Variants in BBOX1 observed in about 807,000 individuals in gnomAD.
BBOX1 encodes gamma-butyrobetaine hydroxylase 1, also known as gamma-butyrobetaine dioxygenase.
A neutral mutation model predicts 41.6 loss-of-function variants in BBOX1; 35 were observed. That is an observed-to-expected ratio of 0.84 (90% CI 0.64 to 1.11). The LOEUF (loss-of-function observed/expected upper bound fraction) is 1.11, where lower values mean the gene tolerates loss of function less well. Ranked by LOEUF, BBOX1 falls within the 50% of genes most tolerant of loss-of-function variation. The probability of loss-of-function intolerance (pLI) is 0.00; values close to 1 mark genes in which losing one functional copy is unlikely to be tolerated. For missense variants in BBOX1, 458 were observed against 460.6 expected (o/e 0.99, Z 0.05); for synonymous variants, 163 against 154.7 (o/e 1.05, Z -0.40).
At position 27,125,338 on chromosome 11, in the gene BBOX1, T is replaced by C. The variant is rs536234969; in HGVS notation, c.837-316T>C. Among the ~76,000 whole-genome samples the C allele has an allele frequency of 6.9e-4, 105 of 152,288 alleles. 1 individual carries two copies. The highest frequency in any genetic ancestry group is 2.4e-3 in the African/African-American group (99 of 41,574). ...TGTAACATGAAAGGATTTTAATACC[T>C]GTTTCAAATAACAAAGAATGAATGA... On this transcript the variant is annotated intron_variant, in intron 7 of 8. Coordinates refer to ENST00000263182, the MANE Select transcript of BBOX1 (RefSeq NM_003986.3).
intron 4 of BBOX1, among the ~76,000 whole-genome samples, chr11:27,059,777 G>A (rs1857085733): frequency 6.6e-6 from 1 of 152,168 alleles, no homozygotes; most frequent in South Asian, 2.1e-4. Context: ...GCCCTGCTGG[G>A]TTTTGGACTT....
At chr11:27,080,068 T>C (rs1857783777) in intron 4 of BBOX1, among the ~76,000 whole-genome samples, 1 of 152,116 alleles carries the variant, frequency 6.6e-6, no homozygotes, top group Non-Finnish European at 1.5e-5. Flanking sequence ...TCATTTTCCA[T>C]ATGGCAGCAA....
At chr11:27,101,109 C>A (rs1411772367) in intron 5 of BBOX1, among the ~76,000 whole-genome samples, 2 of 152,108 alleles carry the variant, frequency 1.3e-5, no homozygotes, top group African/African-American at 4.8e-5. Flanking sequence ...CAACAGCCTG[C>A]AGTCTTTCCT....
intron 4 of BBOX1, among the ~76,000 whole-genome samples, chr11:27,062,698 C>T (rs1339614831): frequency 6.6e-6 from 1 of 152,022 alleles, no homozygotes. Flanking sequence ...GCTACAGGTG[C>T]TACAAGGACT....
intron 4 of BBOX1, among the ~76,000 whole-genome samples, chr11:27,073,068 T>C (rs1401404015): frequency 2.6e-5 from 4 of 151,968 alleles, no homozygotes; most frequent in Admixed American, 6.6e-5. Flanking sequence ...ACAAATAGGA[T>C]CTAATTAAAC....
chr11:27,098,298 A>C (rs1858518580), intron 5 of BBOX1, among the ~76,000 whole-genome samples: 1 of 151,996 alleles, frequency 6.6e-6, no homozygotes, highest in South Asian at 2.1e-4. Context: ...CTGTTCTGTG[A>C]AACCACTACC....
intron 7 of BBOX1, among the ~76,000 whole-genome samples, chr11:27,123,964 T>C (rs1339499337): frequency 6.6e-6 from 1 of 152,152 alleles, no homozygotes. Context: ...GTTCAATAGG[T>C]AGTTTTAAGG....
At chr11:27,103,801 A>G (rs907418767) in intron 5 of BBOX1, among the ~76,000 whole-genome samples, 1 of 151,966 alleles carries the variant, frequency 6.6e-6, no homozygotes, top group Non-Finnish European at 1.5e-5. Flanking sequence ...CTATTTTTCT[A>G]CTTATCCTGG....
intron 8 of BBOX1, 58 bp from the exon 9 acceptor site, chr11:27,127,235 A>T: frequency 1.3e-6 from 2 of 1,551,472 alleles, no homozygotes; most frequent in Non-Finnish European, 1.8e-6. Context: ...TACATTTTCT[A>T]GCTCTGTAAG....
intron 4 of BBOX1, among the ~76,000 whole-genome samples, chr11:27,079,640 T>C (rs907864060): frequency 4.6e-5 from 7 of 152,080 alleles, no homozygotes; most frequent in South Asian, 2.1e-4. Flanking sequence ...CCAGAATAAA[T>C]TGATGAATCA....
At chr11:27,112,770 C>CA (rs1053695530) in intron 5 of BBOX1, among the ~76,000 whole-genome samples, 1 of 151,786 alleles carries the variant, frequency 6.6e-6, no homozygotes, top group Non-Finnish European at 1.5e-5. Flanking sequence ...ATGACTATAA[C>CA]AAAAACAATT....
At chr11:27,091,935 A>G (rs750266242) in intron 4 of BBOX1, among the ~76,000 whole-genome samples, 49 of 152,108 alleles carry the variant, frequency 3.2e-4, no homozygotes, top group Middle Eastern at 3.4e-3. Context: ...CTTTGACAAT[A>G]TATGCATTTA....
At chr11:27,042,746 C>A (rs975482520) in intron 2 of BBOX1, among the ~76,000 whole-genome samples, 1 of 151,942 alleles carries the variant, frequency 6.6e-6, no homozygotes, top group Non-Finnish European at 1.5e-5. Context: ...TAATAATAAC[C>A]ATTTTATAAT....
At chr11:27,091,904 C>T (rs1858259649) in intron 4 of BBOX1, among the ~76,000 whole-genome samples, 1 of 152,084 alleles carries the variant, frequency 6.6e-6, no homozygotes, top group Non-Finnish European at 1.5e-5. Context: ...ATGCAAACTG[C>T]TGTGCTTAAT....
At chr11:27,117,059 TA>T (rs1859293283) in intron 6 of BBOX1, among the ~76,000 whole-genome samples, 1 of 152,036 alleles carries the variant, frequency 6.6e-6, no homozygotes, top group Non-Finnish European at 1.5e-5. Flanking sequence ...GCTACATTTT[TA>T]CAAAATCATC....
At chr11:27,086,765 T>G (rs1189479752) in intron 4 of BBOX1, among the ~76,000 whole-genome samples, 1 of 152,094 alleles carries the variant, frequency 6.6e-6, no homozygotes, top group East Asian at 1.9e-4. Context: ...CAAAATAAAT[T>G]GGAAAACTTC....
intron 6 of BBOX1, among the ~76,000 whole-genome samples, chr11:27,115,763 AAACAAC>A (rs542428675): frequency 2.0e-5 from 3 of 151,894 alleles, no homozygotes; most frequent in African/African-American, 7.2e-5. Flanking sequence ...CATTCATTTA[AAACAAC>A]AACAACAACA....
At chr11:27,093,745 T>C (rs1229850816) in intron 5 of BBOX1, among the ~76,000 whole-genome samples, 1 of 152,024 alleles carries the variant, frequency 6.6e-6, no homozygotes, top group Non-Finnish European at 1.5e-5. Context: ...ATGAGGCTTA[T>C]GTCTTGTGGC....
At chr11:27,061,310 C>G (rs1298382641) in intron 4 of BBOX1, among the ~76,000 whole-genome samples, 1 of 152,102 alleles carries the variant, frequency 6.6e-6, no homozygotes, top group African/African-American at 2.4e-5. Flanking sequence ...GTGGAAAAAA[C>G]TGGTCACAAT....
Sources: gnomAD v4.1 joint callset for allele counts (sites outside exome capture counted in the v4.1 genomes callset) on GRCh38, gnomAD v4.1.1 for gene constraint, MANE v1.5 for transcripts, NCBI Gene and HGNC (gene_info 2026-07-23, HGNC 2026-07-21) for gene names.